HIC2: variants seen among roughly 807,000 people sequenced by gnomAD.
The protein encoded by HIC2 is HIC ZBTB transcriptional repressor 2.
A neutral mutation model predicts 39.5 loss-of-function variants in HIC2; 2 were observed. The ratio of observed to expected loss-of-function variants is 0.05; its 90% CI spans 0.02 to 0.16. The LOEUF is 0.16. Ranked by LOEUF, HIC2 falls within the 10% of genes least tolerant of loss-of-function variation. The probability of loss-of-function intolerance (pLI) is 1.00; values close to 1 mark genes in which losing one functional copy is unlikely to be tolerated. For synonymous variants in HIC2, 399 were observed against 368.8 expected (o/e 1.08, Z -0.94); for missense variants, 713 against 863.5 (o/e 0.83, Z 2.18).
Position 21,446,053 on chromosome 22 carries a change from G to T in HIC2, c.1158G>T (p.Gly386=). ...TGGCTAGTGGGGCTGGCCCTAGCGG[G>T]CCCTATGGGGAGCCCCCCTACCCCT... is the stretch of plus-strand genomic sequence containing the variant. The part of the protein sequence containing the change: ...GILASGAGPS[G]PYGEPPYPCK... The change falls in exon 3 of 3, where the codon GGG becomes GGT. Residue 386 remains glycine (G), a synonymous_variant. Transcript: ENST00000407464. The T allele has an allele frequency of 6.2e-7, 1 of 1,604,948 alleles. No homozygotes were observed. The highest frequency in any genetic ancestry group is 8.5e-7 in the Non-Finnish European group (1 of 1,177,904).
chr22:21,443,187 C>T (rs1923613540), intron 2 of HIC2, among the ~76,000 whole-genome samples: 1 of 152,138 alleles, frequency 6.6e-6, no homozygotes, highest in African/African-American at 2.4e-5. Flanking sequence ...AGGATTGGTT[C>T]ACGAAGTCTC....
intron 1 of HIC2, among the ~76,000 whole-genome samples, chr22:21,425,745 C>T (rs1255057914): frequency 2.9e-5 from 4 of 137,060 alleles, no homozygotes; most frequent in African/African-American, 1.1e-4. Flanking sequence ...CGGAGTCTTT[C>T]CCTGTCGCCC....
Position 21,444,942 on chromosome 22 carries a change from GCGGGGA to G in HIC2, c.49_54del (p.Gly17_Asp18del). 1 of 1,612,612 alleles carries G rather than the reference GCGGGGA, an allele frequency of 6.2e-7. No homozygotes were observed. The highest frequency in any genetic ancestry group is 8.5e-7 in the Non-Finnish European group (1 of 1,179,778). ...CACAGGTGGTGCGCGTGGGCAGGGC[GCGGGGA>G]CATGGGGCCCGACATGGAGCTGCCC... On this transcript the variant is annotated inframe_deletion, in exon 3 of 3. Coordinates refer to ENST00000407464, the MANE Select transcript of HIC2 (RefSeq NM_015094.3).
chr22:21,444,411 G>A (rs1282200591), intron 2 of HIC2, among the ~76,000 whole-genome samples: 1 of 152,250 alleles, frequency 6.6e-6, no homozygotes, highest in Non-Finnish European at 1.5e-5. Flanking sequence ...CAACATGACT[G>A]CTGGCAGTTT....
chr22:21,426,337 A>ATTT (rs1228128162), intron 1 of HIC2, among the ~76,000 whole-genome samples: 8 of 48,222 alleles, frequency 1.7e-4, no homozygotes, highest in Admixed American at 3.3e-4. Context: ...ACAGCCAGCT[A>ATTT]TTTTTTTTTT....
Position 21,446,340 on chromosome 22 carries a change from G to T in HIC2, c.1445G>T (p.Gly482Val), listed in dbSNP as rs777592136. Residue 482 changes from glycine (G) to valine (V), a missense_variant, in exon 3 of 3, where the codon GGG becomes GTG. This residue lies in a region of HIC2 where 103 missense variants were observed against 103.4 expected (regional missense o/e 1.00). Transcript: ENST00000407464. ...KEEGAYETGS[G>V]GAEEEAEDLS... ...GAGGGGGCCTACGAGACAGGCAGTG[G>T]GGGTGCCGAGGAGGAGGCCGAGGAC... 4 of 1,613,038 alleles carry T rather than the reference G, an allele frequency of 2.5e-6. No individual in the cohort carries two copies. In the South Asian group the frequency reaches 4.4e-5, roughly 18 times the overall value.
At chr22:21,430,794 C>A (rs1284016183) in intron 1 of HIC2, among the ~76,000 whole-genome samples, 2 of 49,004 alleles carry the variant, frequency 4.1e-5, no homozygotes, top group Non-Finnish European at 7.0e-5. Context: ...TCGCTTGAAC[C>A]CGGGCAGCAG....
rs1388346766 is a variant in HIC2, at chr22:21,449,346, A to G, written c.*2603A>G. ...TACAGTTCTCTGCGTTCGTCACTTA[A>G]TTCCTGAATGTTTCAGAGAAACAGG... On this transcript the variant is annotated 3_prime_UTR_variant, in exon 3 of 3. Transcript: ENST00000407464. The G allele has an allele frequency of 6.5e-6, 1 of 152,720 alleles. No homozygotes were observed. The highest frequency in any genetic ancestry group is 2.4e-5 in the African/African-American group (1 of 41,418). 9.5% of individuals were successfully genotyped at this position (152,720 alleles called of 1,614,324 possible).
chr22:21,442,951 C>T, intron 2 of HIC2, 94 bp downstream of exon 2: 1 of 719,434 alleles, frequency 1.4e-6, no homozygotes, highest in South Asian at 2.1e-5. Context: ...ATCTGTCTGA[C>T]CCGTGGTCCT....
rs1924075807 is a variant in HIC2, at chr22:21,449,971, CTG to C, written c.*3230_*3231del. On this transcript the variant is annotated 3_prime_UTR_variant, in exon 3 of 3. Transcript: ENST00000407464. ...AAAAAGCCGGGACCTTTGCGCAGCT[CTG>C]TCGACTCTGGTGGGTCCCCACTCCT... 6.5e-6 allele frequency: 1 copy of C among 152,674 alleles called. No homozygotes were observed. The allele number at this position is 152,674 out of a possible 1,614,324, so 9.5% of individuals were successfully genotyped here. A position where few individuals can be genotyped will look rare whatever the true frequency, so the allele number is the denominator to read the frequency against.
chr22:21,447,024 G>A lies in HIC2; in HGVS notation c.*281G>A, dbSNP rs1462964812. On this transcript the variant is annotated 3_prime_UTR_variant, in exon 3 of 3. Coordinates refer to ENST00000407464, the MANE Select transcript of HIC2 (RefSeq NM_015094.3). The stretch of plus-strand genomic sequence containing the variant: ...CCGCAGGGCCTGTGGGCTGGGTCAC[G>A]TGGGTCTCGCTGGGACCTGGTCCCT... 2.3e-5 allele frequency: 11 copies of A among 468,456 alleles called. No individual in the cohort carries two copies. The East Asian group carries it at 2.5e-4, about 11-fold the overall frequency. 29.0% of individuals were successfully genotyped at this position (468,456 alleles called of 1,614,324 possible). A position where few individuals can be genotyped will look rare whatever the true frequency, so the allele number is the denominator to read the frequency against.
rs144979817 is a variant in HIC2 at position 21,446,321 on chromosome 22, G to C, written c.1426G>C (p.Ala476Pro). 1.9e-6 allele frequency: 3 copies of C among 1,613,248 alleles called. No homozygotes were observed. In the East Asian group the frequency reaches 6.7e-5, roughly 36 times the overall value. ...AGAGCTGTTCATCAAGGAAGAGGGGGCCTACGAGACAGGCAGTGGGGGTGC... is the reference window on the plus strand; with the variant it reads ...AGAGCTGTTCATCAAGGAAGAGGGGCCCTACGAGACAGGCAGTGGGGGTGC... ...EEELFIKEEG[A>P]YETGSGGAEE... The change falls in exon 3 of 3, where the codon GCC becomes CCC. Residue 476 changes from alanine to proline, a missense_variant. This residue lies in a region of HIC2 where 103 missense variants were observed against 103.4 expected (regional missense o/e 1.00). Transcript: ENST00000407464.
intron 1 of HIC2, among the ~76,000 whole-genome samples, chr22:21,419,049 G>GA (rs1376300308): frequency 1.4e-5 from 2 of 142,516 alleles, no homozygotes; most frequent in African/African-American, 2.6e-5. Context: ...GGAGTAGTGT[G>GA]AAAAAAAGCA....
intron 1 of HIC2, among the ~76,000 whole-genome samples, chr22:21,431,993 T>G (rs1601326422): frequency 1.4e-5 from 2 of 141,684 alleles, no homozygotes; most frequent in East Asian, 5.1e-4. Context: ...AAACTTCCAA[T>G]GGATGCCGAA....
At chr22:21,443,363 G>C (rs1040120551) in intron 2 of HIC2, among the ~76,000 whole-genome samples, 1 of 152,240 alleles carries the variant, frequency 6.6e-6, no homozygotes, top group Non-Finnish European at 1.5e-5. Flanking sequence ...TCAGGGGCCT[G>C]TGAATGTTAG....
intron 1 of HIC2, among the ~76,000 whole-genome samples, chr22:21,437,936 C>T: frequency 7.5e-6 from 1 of 133,970 alleles, no homozygotes; most frequent in Admixed American, 7.6e-5. Flanking sequence ...TAAGGTGCTG[C>T]TCCTTGGGAG....
rs761486610 is a variant in HIC2, at chr22:21,445,455, C to A, written c.560C>A (p.Ala187Asp). 5.9e-6 allele frequency: 9 copies of A among 1,537,488 alleles called. No individual in the cohort carries two copies. In the South Asian group the frequency reaches 9.0e-5, roughly 15 times the overall value. Residue 187 changes from alanine to aspartate, a missense_variant, in exon 3 of 3, where the codon GCC becomes GAC. Around this residue, in one of 5 missense-constraint regions of HIC2, gnomAD observed 457 missense variants for 420.2 expected, o/e 1.09. Coordinates refer to ENST00000407464, the MANE Select transcript of HIC2 (RefSeq NM_015094.3). ...GTGGATGGGCGCAAGGGGGCCCACG[C>A]CCCCCAGGAGCTCCCCCAAGCCAAA... is the stretch of plus-strand genomic sequence containing the variant. The part of the protein sequence containing the change: ...GLVDGRKGAH[A>D]PQELPQAKGS...
rs1923853944 is a variant in HIC2, at chr22:21,446,565, G to A, written c.1670G>A (p.Gly557Asp). 2 of 1,613,338 alleles carry A rather than the reference G, an allele frequency of 1.2e-6. No individual in the cohort carries two copies. Among genetic ancestry groups the A allele is most frequent in the African/African-American group, 1.3e-5 (1 of 74,960 alleles). ...TMTRHMRSHL[G>D]LKPFACDECG... is the part of the protein sequence containing the mutation. ...ACGCGTCACATGCGGAGCCACCTGGGCCTGAAGCCCTTCGCCTGCGATGAG... is the reference window on the plus strand; with the variant it reads ...ACGCGTCACATGCGGAGCCACCTGGACCTGAAGCCCTTCGCCTGCGATGAG... Residue 557 changes from glycine (G) to aspartate (D), a missense_variant, in exon 3 of 3, where the codon GGC (glycine) becomes GAC (aspartate). Physicochemically the swap from Gly to Asp is moderately conservative, Grantham distance 94. Around this residue, in one of 5 missense-constraint regions of HIC2, gnomAD observed 40 missense variants for 124.4 expected, o/e 0.32. Coordinates refer to ENST00000407464, the MANE Select transcript of HIC2 (RefSeq NM_015094.3).
intron 1 of HIC2, among the ~76,000 whole-genome samples, chr22:21,431,910 A>G (rs1923323089): frequency 8.9e-6 from 1 of 111,992 alleles, no homozygotes; most frequent in Admixed American, 1.1e-4. Context: ...TGAGCCCAGA[A>G]ATTAGAGCTA....
Sources: allele counts gnomAD v4.1 joint callset (sites outside exome capture counted in the v4.1 genomes callset), GRCh38; gene constraint gnomAD v4.1.1; regional missense constraint gnomAD v4.1.1; transcripts MANE v1.5; gene names NCBI Gene and HGNC (gene_info 2026-07-23, HGNC 2026-07-21).